The following CNBD1 variants were observed in gnomAD, a reference collection of about 807,000 sequenced individuals.
The protein encoded by CNBD1 is cyclic nucleotide binding domain containing 1.
In CNBD1, 71 loss-of-function variants were observed where a neutral mutation model predicts 54.4. The observed-to-expected ratio is 1.30, with a 90% confidence interval of 1.08 to 1.59. The LOEUF (loss-of-function observed/expected upper bound fraction) is 1.59. CNBD1 is among the 40% of genes most tolerant of loss of function. The pLI, the probability that CNBD1 is intolerant of heterozygous loss-of-function variation, is 0.00. For missense variants in CNBD1, 659 were observed against 518.0 expected, an observed-to-expected ratio of 1.27 and a Z score of -2.64; for synonymous variants, 182 against 170.7, an observed-to-expected ratio of 1.07 and a Z score of -0.51.
intron 2 of CNBD1, among the ~76,000 whole-genome samples, chr8:87,391,374 C>T (rs564441078): frequency 2.6e-5 from 4 of 152,114 alleles, no homozygotes; most frequent in East Asian, 1.9e-4. Flanking sequence ...TCCTAAAATT[C>T]GTATGGAAAC....
intron 4 of CNBD1, among the ~76,000 whole-genome samples, chr8:86,968,875 C>T (rs1344991449): frequency 1.3e-5 from 2 of 152,176 alleles, no homozygotes; most frequent in Non-Finnish European, 2.9e-5. Context: ...ACTTTGAGTT[C>T]TATCTTTTGT....
chr8:87,394,681 A>T (rs1811377008), intron 2 of CNBD1, among the ~76,000 whole-genome samples: 1 of 151,898 alleles, frequency 6.6e-6, no homozygotes, highest in African/African-American at 2.4e-5. Flanking sequence ...TTATTTTTCT[A>T]GTTAGAGAGC....
chr8:86,944,190 A>C lies in CNBD1; in HGVS notation c.431+4436A>C, dbSNP rs188202746. 3.5e-3 allele frequency among the ~76,000 whole-genome samples: 540 copies of C among 152,330 alleles called. 4 individuals are homozygous for C. The highest frequency in any genetic ancestry group is 0.024 in the South Asian group (116 of 4,828). On this transcript the variant is annotated intron_variant, in intron 4 of 10. Coordinates refer to ENST00000518476, the MANE Select transcript of CNBD1 (RefSeq NM_173538.3). Reference sequence around the variant, plus strand: ...AAGAATATTAAAATCTAGGAACTGAAACATGACTTAGAATTTTAGTTTCTA... The same window carrying C: ...AAGAATATTAAAATCTAGGAACTGACACATGACTTAGAATTTTAGTTTCTA...
chr8:87,294,299 G>T (rs1808836352), intron 8 of CNBD1, among the ~76,000 whole-genome samples: 1 of 152,180 alleles, frequency 6.6e-6, no homozygotes, highest in Non-Finnish European at 1.5e-5. Context: ...CCACTTCTTT[G>T]CAATGCTGAC....
chr8:86,926,575 G>C (rs762015911), intron 3 of CNBD1, among the ~76,000 whole-genome samples: 4 of 152,166 alleles, frequency 2.6e-5, no homozygotes, highest in African/African-American at 4.8e-5. Context: ...AGTTTGAAAG[G>C]CATTGTCTGA....
chr8:87,256,016 T>TATATACATA (rs1491444638), intron 6 of CNBD1, among the ~76,000 whole-genome samples: 19 of 12,142 alleles, frequency 1.6e-3, no homozygotes, highest in Non-Finnish European at 2.0e-3. Context: ...TATATATATA[T>TATATACATA]TTTTTTTTTT....
intron 6 of CNBD1, 25 bp from the exon 7 acceptor site, chr8:87,284,653 T>C (rs371747072): frequency 4.6e-5 from 72 of 1,581,202 alleles, no homozygotes; most frequent in Non-Finnish European, 5.8e-5. Context: ...TAATAAACAT[T>C]AAATTGTCTC....
chr8:87,001,181 CTTTTA>C (rs1165597966), intron 4 of CNBD1, among the ~76,000 whole-genome samples: 1 of 151,694 alleles, frequency 6.6e-6, no homozygotes, highest in Non-Finnish European at 1.5e-5. Context: ...TCTGTTATTG[CTTTTA>C]TTTTATTTAC....
chr8:86,994,164 C>G (rs923191755), intron 4 of CNBD1, among the ~76,000 whole-genome samples: 4 of 152,212 alleles, frequency 2.6e-5, no homozygotes, highest in African/African-American at 9.6e-5. Flanking sequence ...TCCCAAGATG[C>G]CTGTCACAGC....
chr8:87,136,066 C>T (rs1471753636), intron 4 of CNBD1, among the ~76,000 whole-genome samples: 1 of 151,976 alleles, frequency 6.6e-6, no homozygotes, highest in African/African-American at 2.4e-5. Context: ...TTATCCTTCA[C>T]TTAAAATCCA....
At chr8:87,193,645 G>C (rs1370932324) in intron 4 of CNBD1, among the ~76,000 whole-genome samples, 1 of 152,116 alleles carries the variant, frequency 6.6e-6, no homozygotes, top group East Asian at 1.9e-4. Context: ...CATGAATGAA[G>C]TCTTTCTTGT....
intron 4 of CNBD1, among the ~76,000 whole-genome samples, chr8:86,979,781 C>A (rs768110898): frequency 6.6e-6 from 1 of 152,106 alleles, no homozygotes; most frequent in Non-Finnish European, 1.5e-5. Context: ...TCAAAGGCTA[C>A]CTGTGATCTC....
At chr8:87,120,921 T>C (rs947244255) in intron 4 of CNBD1, among the ~76,000 whole-genome samples, 6 of 152,008 alleles carry the variant, frequency 3.9e-5, no homozygotes, top group African/African-American at 1.4e-4. Flanking sequence ...GCTGGGCACA[T>C]ACATCAGTTG....
At chr8:87,134,652 G>C (rs1290447214) in intron 4 of CNBD1, among the ~76,000 whole-genome samples, 1 of 140,292 alleles carries the variant, frequency 7.1e-6, no homozygotes, top group Non-Finnish European at 1.5e-5. Context: ...ACCCAGGCTG[G>C]AGTGCAGTGG....
chr8:87,211,549 A>C (rs188449355), intron 5 of CNBD1, among the ~76,000 whole-genome samples: 1 of 152,176 alleles, frequency 6.6e-6, no homozygotes, highest in East Asian at 1.9e-4. Flanking sequence ...GTGACTTGGT[A>C]CTGTCCTCAT....
intron 4 of CNBD1, among the ~76,000 whole-genome samples, chr8:87,187,753 A>G (rs890289422): frequency 6.6e-6 from 1 of 152,136 alleles, no homozygotes; most frequent in African/African-American, 2.4e-5. Context: ...TAATAACCTG[A>G]TCTGGAGTTG....
downstream of CNBD1, among the ~76,000 whole-genome samples, chr8:87,387,777 C>T (rs532901717): frequency 2.6e-5 from 4 of 152,340 alleles, no homozygotes; most frequent in Admixed American, 1.3e-4. Flanking sequence ...CTACAGAACT[C>T]TCCATCCCAA....
At chr8:87,156,320 C>T (rs1255845594) in intron 4 of CNBD1, among the ~76,000 whole-genome samples, 1 of 96,166 alleles carries the variant, frequency 1.0e-5, no homozygotes, top group African/African-American at 4.8e-5. Flanking sequence ...TCTCTACTTA[C>T]TGCAACCTCT....
intron 8 of CNBD1, among the ~76,000 whole-genome samples, chr8:87,302,387 C>G (rs965907344): frequency 6.6e-6 from 1 of 152,002 alleles, no homozygotes; most frequent in Non-Finnish European, 1.5e-5. Flanking sequence ...ATTACAAAAA[C>G]CACATGATTA....
Sources: gnomAD v4.1 joint callset for allele counts (sites outside exome capture counted in the v4.1 genomes callset) on GRCh38, gnomAD v4.1.1 for gene constraint, MANE v1.5 for transcripts, NCBI Gene and HGNC (gene_info 2026-07-23, HGNC 2026-07-21) for gene names.